MED13L: variants seen among roughly 807,000 people sequenced by gnomAD.
MED13L encodes the protein mediator of RNA polymerase II transcription subunit 13-like.
MED13L carries 7 observed loss-of-function variants against 220.9 expected under a neutral mutation model. The ratio of observed to expected loss-of-function variants is 0.03; its 90% CI spans 0.02 to 0.06. The LOEUF (loss-of-function observed/expected upper bound fraction) is 0.06. Among genes scored for constraint, MED13L ranks in the 10% least tolerant of loss-of-function variants. The probability of loss-of-function intolerance (pLI) is 1.00; values close to 1 mark genes in which losing one functional copy is unlikely to be tolerated. For missense variants in MED13L, 1,965 were observed against 2,760.5 expected (o/e 0.71, Z 6.46); for synonymous variants, 1,011 against 1,015.2 (o/e 1.00, Z 0.08).
At chr12:116,007,362 A>C (rs2137377920) in intron 11 of MED13L, 49 bp downstream of exon 11, 1 of 1,537,106 alleles carries the variant, frequency 6.5e-7, no homozygotes. Context: ...TTGTACTGAC[A>C]TAGATAGAAA....
chr12:115,996,760 A>G (rs1233719503), intron 15 of MED13L, 79 bp from the exon 16 acceptor site: 4 of 1,290,844 alleles, frequency 3.1e-6, no homozygotes, highest in African/African-American at 2.9e-5. Flanking sequence ...GCTATCATAA[A>G]AACAGCAACC....
chr12:116,138,533 T>G (rs1353434727), intron 2 of MED13L, among the ~76,000 whole-genome samples: 2 of 152,228 alleles, frequency 1.3e-5, no homozygotes, highest in Non-Finnish European at 2.9e-5. Flanking sequence ...ATGGGTTCCA[T>G]CTAGCTCTAG....
intron 2 of MED13L, among the ~76,000 whole-genome samples, chr12:116,119,838 A>ATATATAT (rs1204568125): frequency 3.2e-5 from 1 of 31,580 alleles, no homozygotes; most frequent in Non-Finnish European, 5.5e-5. Flanking sequence ...AAAAAAAAAA[A>ATATATAT]ATATATATAT....
rs146508741 is a variant in MED13L at position 116,052,504 on chromosome 12, T to C, written c.480-29903A>G. ...GAACTATACTGTAGAAATTAATTCT[T>C]CATAACCCATTGAGAAAAATGTCTT... On this transcript the variant is annotated intron_variant, in intron 4 of 30. Transcript: ENST00000281928. Among the ~76,000 whole-genome samples, 350 of 152,338 alleles carry C rather than the reference T, an allele frequency of 2.3e-3. 6 individuals are homozygous for C. The East Asian group carries it at 0.045, about 20-fold the overall frequency.
chr12:115,990,793 G>A (rs566551758), intron 17 of MED13L, among the ~76,000 whole-genome samples: 16 of 152,152 alleles, frequency 1.1e-4, no homozygotes, highest in Non-Finnish European at 1.8e-4. Context: ...AGTTACAAGA[G>A]GAAAATTTCA....
At chr12:116,205,304 A>T (rs1290683871) in intron 2 of MED13L, among the ~76,000 whole-genome samples, 1 of 152,060 alleles carries the variant, frequency 6.6e-6, no homozygotes, top group Non-Finnish European at 1.5e-5. Context: ...CTGTAATACA[A>T]ATTTTTTTCA....
intron 4 of MED13L, among the ~76,000 whole-genome samples, chr12:116,076,952 C>T (rs1870854365): frequency 6.6e-6 from 1 of 152,162 alleles, no homozygotes; most frequent in African/African-American, 2.4e-5. Context: ...TTAGGGCAAC[C>T]TCTTCATATC....
intron 3 of MED13L, among the ~76,000 whole-genome samples, chr12:116,100,598 CAAA>C (rs760855189): frequency 0.013 from 852 of 67,984 alleles, 8 homozygotes; most frequent in African/African-American, 0.041. Flanking sequence ...GACTCCGTCT[CAAA>C]AAAAAAAAAA....
intron 25 of MED13L, among the ~76,000 whole-genome samples, chr12:115,974,584 C>A (rs941954270): frequency 6.6e-6 from 1 of 152,144 alleles, no homozygotes; most frequent in African/African-American, 2.4e-5. Flanking sequence ...AAATTTATGA[C>A]AAAGAATATA....
At chr12:116,021,567 A>C in intron 5 of MED13L, among the ~76,000 whole-genome samples, 1 of 152,186 alleles carries the variant, frequency 6.6e-6, no homozygotes, top group East Asian at 1.9e-4. Context: ...TATAGAAAAC[A>C]AAAAATAAAT....
At chr12:116,182,082 T>A (rs1880568373) in intron 2 of MED13L, among the ~76,000 whole-genome samples, 1 of 152,114 alleles carries the variant, frequency 6.6e-6, no homozygotes, top group African/African-American at 2.4e-5. Context: ...TCATGCCTTC[T>A]CCCTTTCAAT....
intron 1 of MED13L, among the ~76,000 whole-genome samples, chr12:116,255,629 G>C (rs1021280014): frequency 6.6e-6 from 1 of 152,176 alleles, no homozygotes; most frequent in Non-Finnish European, 1.5e-5. Context: ...ATCTGCCAAT[G>C]AACTTGTATC....
intron 2 of MED13L, among the ~76,000 whole-genome samples, chr12:116,128,543 T>C (rs1286391946): frequency 6.6e-6 from 1 of 152,194 alleles, no homozygotes; most frequent in East Asian, 1.9e-4. Flanking sequence ...TTTAATGTTT[T>C]AAAATCAGGC....
intron 19 of MED13L, 115 bp from the exon 20 acceptor site, chr12:115,984,487 T>G: frequency 8.5e-7 from 1 of 1,182,450 alleles, no homozygotes; most frequent in South Asian, 1.4e-5. Flanking sequence ...CTTTTTCTTT[T>G]AGGGTTATCA....
chr12:116,076,656 T>G (rs1870827633), intron 4 of MED13L, among the ~76,000 whole-genome samples: 1 of 152,212 alleles, frequency 6.6e-6, no homozygotes, highest in African/African-American at 2.4e-5. Flanking sequence ...AAGTTATGTA[T>G]GAATCACCAT....
intron 2 of MED13L, among the ~76,000 whole-genome samples, chr12:116,120,347 G>A (rs1263076668): frequency 6.6e-6 from 1 of 151,804 alleles, no homozygotes; most frequent in Non-Finnish European, 1.5e-5. Context: ...TCCAAAATTT[G>A]GACCTAAAAT....
intron 2 of MED13L, among the ~76,000 whole-genome samples, chr12:116,192,996 C>A (rs974270160): frequency 3.9e-5 from 6 of 152,172 alleles, no homozygotes; most frequent in African/African-American, 1.4e-4. Context: ...CGCATGGTGG[C>A]ACGTGCCTGT....
At chr12:116,227,533 T>C (rs1869124266) in intron 2 of MED13L, among the ~76,000 whole-genome samples, 1 of 152,202 alleles carries the variant, frequency 6.6e-6, no homozygotes, top group Non-Finnish European at 1.5e-5. Context: ...ACATTTTCAT[T>C]ATTATAATAT....
intron 2 of MED13L, among the ~76,000 whole-genome samples, chr12:116,210,562 TATA>T (rs1882632378): frequency 8.6e-6 from 1 of 116,316 alleles, no homozygotes; most frequent in African/African-American, 2.8e-5. Flanking sequence ...TATATATATA[TATA>T]TATATATATA....
Sources: gnomAD v4.1 joint callset for allele counts (sites outside exome capture counted in the v4.1 genomes callset) on GRCh38, gnomAD v4.1.1 for gene constraint, MANE v1.5 for transcripts, NCBI Gene and HGNC (gene_info 2026-07-23, HGNC 2026-07-21) for gene names.